PPFIA4: variants seen among roughly 807,000 people sequenced by gnomAD.
PPFIA4 encodes the protein PPFI scaffold protein A4.
PPFIA4 carries 98 observed loss-of-function variants against 145.7 expected under a neutral mutation model. That is an observed-to-expected ratio of 0.67 (90% confidence interval 0.57 to 0.80). The LOEUF (loss-of-function observed/expected upper bound fraction) is 0.80, where lower values mean the gene tolerates loss of function less well. PPFIA4 is among the 30% of genes least tolerant of loss of function. The probability of loss-of-function intolerance (pLI) is 0.00; values close to 1 mark genes in which losing one functional copy is unlikely to be tolerated. For synonymous variants in PPFIA4, 628 were observed against 649.6 expected, an observed-to-expected ratio of 0.97 and a Z score of 0.51; for missense variants, 1,457 against 1,632.7, an observed-to-expected ratio of 0.89 and a Z score of 1.85.
chr1:203,035,264 C>T (rs560124256), intron 1 of PPFIA4: 99 of 456,638 alleles, frequency 2.2e-4, no homozygotes, highest in African/African-American at 1.5e-3. Flanking sequence ...CTGTGGTCTC[C>T]GCAGGGGCTG....
Position 203,068,482 on chromosome 1 carries a change from G to A in PPFIA4, c.3178G>A (p.Val1060Ile). Residue 1060 changes from valine to isoleucine, a missense_variant, in exon 27 of 30, where the codon GTT becomes ATT. Coordinates refer to ENST00000295706, the MANE Select transcript of PPFIA4 (RefSeq NM_001304331.2). The surrounding 1 kb of genome is among the most constrained non-coding windows in gnomAD (Gnocchi z 4.7). ...DVLVWTNDQV[V>I]HWVQSIGLRD... ...GTTAGTCTGGACCAACGACCAGGTG[G>A]TTCATTGGGTCCAGTCTATTGGGCT... 6.2e-7 allele frequency: 1 copy of A among 1,608,190 alleles called. No individual in the cohort carries two copies. The highest frequency in any genetic ancestry group is 1.1e-5 in the South Asian group (1 of 90,192).
intron 2 of PPFIA4, among the ~76,000 whole-genome samples, chr1:203,042,385 G>T (rs960628058): frequency 6.6e-6 from 1 of 152,200 alleles, no homozygotes; most frequent in Non-Finnish European, 1.5e-5. Context: ...TGGATATTTG[G>T]TAAAGCCAGG....
chr1:203,035,329 A>G (rs1659159468), intron 1 of PPFIA4: 1 of 456,484 alleles, frequency 2.2e-6, no homozygotes, highest in East Asian at 6.9e-5. Flanking sequence ...TCTGGTAGGC[A>G]GGAGGGAGCC....
chr1:203,039,673 G>A (rs1659562968), intron 2 of PPFIA4, among the ~76,000 whole-genome samples: 1 of 152,236 alleles, frequency 6.6e-6, no homozygotes. Context: ...GACATCACAT[G>A]GAAGATGATA....
At chr1:203,049,644 CTCCCGCCCCCA>C in intron 12 of PPFIA4, 21 bp from the exon 13 acceptor site, 1 of 1,460,002 alleles carries the variant, frequency 6.8e-7, no homozygotes, top group African/African-American at 1.6e-5. Flanking sequence ...CTGGCCCCCA[CTCCCGCCCCCA>C]CCCCGGGTCT....
intron 29 of PPFIA4, chr1:203,076,064 C>T (rs968143594): frequency 1.4e-5 from 8 of 588,060 alleles, no homozygotes; most frequent in Non-Finnish European, 1.8e-5. Flanking sequence ...CGGGGGAGTG[C>T]CCGTGGCTCG....
chr1:203,044,329 A>T (rs1659911635), intron 4 of PPFIA4, 50 bp from the exon 5 acceptor site: 1 of 1,513,312 alleles, frequency 6.6e-7, no homozygotes. Flanking sequence ...TTCCAGCCTG[A>T]CTCAAGTGGG....
intron 25 of PPFIA4, among the ~76,000 whole-genome samples, chr1:203,065,534 T>A (rs1661678983): frequency 6.6e-6 from 1 of 151,916 alleles, no homozygotes; most frequent in African/African-American, 2.4e-5. Context: ...CTCTGCCCCA[T>A]CCCCAGGAGA....
Position 203,048,198 on chromosome 1 carries a change from G to A in PPFIA4, c.1141-29G>A, listed in dbSNP as rs1344408921. On this transcript the variant is annotated intron_variant, in intron 9 of 29. Transcript: ENST00000295706. This position sits in a 1 kb window ranked among gnomAD's most constrained non-coding sequence, Gnocchi z 5.8. ...CTGAGCAGGAAGAACAGAGATCTGC[G>A]GGCTGCACCGACCCATCCCTGCCCC... 17 of 1,607,016 alleles carry A rather than the reference G, an allele frequency of 1.1e-5. No homozygotes were observed. The highest frequency in any genetic ancestry group is 2.2e-5 in the East Asian group (1 of 44,796).
intron 13 of PPFIA4, chr1:203,051,459 G>A: frequency 1.5e-6 from 1 of 674,654 alleles, no homozygotes; most frequent in Non-Finnish European, 2.0e-6. Flanking sequence ...TTGATGGGGA[G>A]CTCAACTTTT....
chr1:203,051,965 G>T, intron 14 of PPFIA4, 88 bp downstream of exon 14: 1 of 1,418,134 alleles, frequency 7.1e-7, no homozygotes, highest in Non-Finnish European at 9.6e-7. Context: ...TGGTGTGTGG[G>T]GCAAATCCTT....
chr1:203,075,677 C>G lies in PPFIA4; in HGVS notation c.3494C>G (p.Thr1165Ser), dbSNP rs553888410. 2.0e-6 allele frequency: 3 copies of G among 1,499,404 alleles called. No individual in the cohort carries two copies. The highest frequency in any genetic ancestry group is 2.7e-6 in the Non-Finnish European group (3 of 1,122,586). The allele number at this position is 1,499,404 out of a possible 1,614,324, so 92.9% of individuals were successfully genotyped here. A position where few individuals can be genotyped will look rare whatever the true frequency, so the allele number is the denominator to read the frequency against. The change falls in exon 29 of 30, where the codon ACC becomes AGC. Residue 1165 changes from threonine (T) to serine (S), a missense_variant. This residue lies in a region of PPFIA4 where 146 missense variants were observed against 126.2 expected (regional missense o/e 1.16). Coordinates refer to ENST00000295706, the MANE Select transcript of PPFIA4 (RefSeq NM_001304331.2). The surrounding 1 kb of genome is among the most constrained non-coding windows in gnomAD (Gnocchi z 4.1). ...GGCATGCTCAGCGCTTCCGCGGAGA[C>G]CCTCCCGGCGGGCTTCCGTGTGTCC... ...RGGMLSASAE[T>S]LPAGFRVSTL...
intron 27 of PPFIA4, among the ~76,000 whole-genome samples, chr1:203,069,381 G>A (rs1874143): frequency 0.56 from 84,621 of 152,088 alleles, 24,258 homozygotes; most frequent in South Asian, 0.63. Flanking sequence ...TCCTCTTGAT[G>A]GTTTAGGTTT....
intron 13 of PPFIA4, chr1:203,051,313 G>A (rs1571698092): frequency 2.0e-6 from 2 of 988,394 alleles, no homozygotes; most frequent in Non-Finnish European, 2.4e-6. Flanking sequence ...AAAGTGCTGG[G>A]TAGAAGACCA....
chr1:203,061,002 G>A lies in PPFIA4; in HGVS notation c.2817G>A (p.Glu939=). The change falls in exon 23 of 30, where the codon GAG becomes GAA. Residue 939 remains glutamate, a synonymous_variant. Coordinates refer to ENST00000295706, the MANE Select transcript of PPFIA4 (RefSeq NM_001304331.2). The stretch of plus-strand genomic sequence containing the variant: ...GGAATGTCTGGGTCACCCATGAAGA[G>A]ATGGAAACTCTGGAAACATCTACTA... ...SSGNVWVTHE[E]METLETSTKT... 1 of 1,614,040 alleles carries A rather than the reference G, an allele frequency of 6.2e-7. No individual in the cohort carries two copies.
rs771026414 is a variant in PPFIA4, at chr1:203,056,482, A to G, written c.2214A>G (p.Pro738=). 4 of 1,613,834 alleles carry G rather than the reference A, an allele frequency of 2.5e-6. No individual in the cohort carries two copies. The African/African-American group carries it at 4.0e-5, about 16-fold the overall frequency. ...RTLRLEKLGH[P]ALSQEEGKSA... ...TGCGGCTAGAGAAGCTTGGCCACCC[A>G]GCCCTGAGCCAGGAAGAAGGCAAGA... The change falls in exon 18 of 30, where the codon CCA becomes CCG. Residue 738 remains proline, a synonymous_variant. Transcript: ENST00000295706.
At chr1:203,057,354 G>A (rs572485362) in intron 19 of PPFIA4, among the ~76,000 whole-genome samples, 43 of 152,306 alleles carry the variant, frequency 2.8e-4, no homozygotes, top group Non-Finnish European at 5.3e-4. Flanking sequence ...TTATTTCTGG[G>A]TACATCTGGC....
chr1:203,056,941 A>G lies in PPFIA4; in HGVS notation c.2398A>G (p.Thr800Ala), dbSNP rs1661009410. 1.9e-6 allele frequency: 3 copies of G among 1,614,056 alleles called. No individual in the cohort carries two copies. Among genetic ancestry groups the G allele is most frequent in the Non-Finnish European group, 2.5e-6 (3 of 1,179,892 alleles). The change falls in exon 19 of 30, where the codon ACA becomes GCA. Residue 800 changes from threonine to alanine, a missense_variant. Physicochemically the swap from Thr to Ala is moderately conservative, Grantham distance 58. Around this residue, in one of 3 missense-constraint regions of PPFIA4, gnomAD observed 848 missense variants for 1,046.7 expected, o/e 0.81. Transcript: ENST00000295706. The part of the protein sequence containing the change: ...RLIQLSRDGA[T>A]GHVLLTDSEF... ...GATCCAGCTGAGTCGGGATGGAGCCACAGGCCATGGTCTCTGTCCCCTTCC... is the reference window on the plus strand; with the variant it reads ...GATCCAGCTGAGTCGGGATGGAGCCGCAGGCCATGGTCTCTGTCCCCTTCC...
chr1:203,064,186 C>T (rs145088548), intron 25 of PPFIA4, among the ~76,000 whole-genome samples, 183 bp downstream of exon 25: 5 of 152,348 alleles, frequency 3.3e-5, no homozygotes, highest in Non-Finnish European at 7.3e-5. Context: ...TTTGAGGATT[C>T]GATCCTCAGA....
Sources: gnomAD v4.1 joint callset for allele counts (sites outside exome capture counted in the v4.1 genomes callset) on GRCh38, gnomAD v4.1.1 for gene constraint, gnomAD v4.1.1 regional missense constraint, Gnocchi (gnomAD v3.1) non-coding constraint, MANE v1.5 for transcripts, NCBI Gene and HGNC (gene_info 2026-07-23, HGNC 2026-07-21) for gene names.